The following SPOCK1 variants were observed in gnomAD, a reference collection of about 807,000 sequenced individuals.
The protein encoded by SPOCK1 is SPARC (osteonectin), cwcv and kazal like domains proteoglycan 1, also known as testican-1.
SPOCK1 carries 23 observed loss-of-function variants against 55.3 expected under a neutral mutation model. The observed-to-expected ratio is 0.42, with a 90% CI of 0.30 to 0.59. The LOEUF (loss-of-function observed/expected upper bound fraction) is 0.59, where lower values mean the gene tolerates loss of function less well. Ranked by LOEUF, SPOCK1 falls within the 20% of genes least tolerant of loss-of-function variation. The pLI, the probability that SPOCK1 is intolerant of heterozygous loss-of-function variation, is 0.22. For synonymous variants in SPOCK1, 226 were observed against 221.0 expected (o/e 1.02, Z -0.20); for missense variants, 499 against 552.5 (o/e 0.90, Z 0.97).
At chr5:137,246,043 T>C (rs1368354581) in intron 3 of SPOCK1, among the ~76,000 whole-genome samples, 2 of 152,236 alleles carry the variant, frequency 1.3e-5, no homozygotes, top group East Asian at 3.8e-4. Flanking sequence ...ATTTCTTAGT[T>C]GTCCTCTATG....
intron 2 of SPOCK1, among the ~76,000 whole-genome samples, chr5:137,303,907 C>A (rs754958066): frequency 6.6e-6 from 1 of 152,202 alleles, no homozygotes; most frequent in Non-Finnish European, 1.5e-5. Context: ...TCCCTGCTGT[C>A]CTTCTCCTTG....
At chr5:137,166,290 T>A (rs1020754524) in intron 3 of SPOCK1, among the ~76,000 whole-genome samples, 44 of 151,726 alleles carry the variant, frequency 2.9e-4, no homozygotes, top group Non-Finnish European at 4.4e-4. Context: ...AAGGAAAAAA[T>A]TTTTACCCTA....
intron 3 of SPOCK1, among the ~76,000 whole-genome samples, chr5:137,185,500 T>G (rs1755051507): frequency 6.6e-6 from 1 of 152,220 alleles, no homozygotes; most frequent in Admixed American, 6.5e-5. Flanking sequence ...ATTTCTCTTT[T>G]TAATTCAGGA....
intron 4 of SPOCK1, among the ~76,000 whole-genome samples, chr5:137,120,826 C>T (rs1478266401): frequency 6.6e-6 from 1 of 152,172 alleles, no homozygotes; most frequent in Admixed American, 6.5e-5. Flanking sequence ...CCGCCAGTCT[C>T]GCATTTCTAC....
intron 2 of SPOCK1, among the ~76,000 whole-genome samples, chr5:137,467,268 C>T (rs1753639976): frequency 1.3e-5 from 2 of 152,222 alleles, no homozygotes; most frequent in African/African-American, 4.8e-5. Flanking sequence ...TCACTAGGTC[C>T]AGCCCATACT....
intron 2 of SPOCK1, among the ~76,000 whole-genome samples, chr5:137,307,958 A>G (rs756662667): frequency 1.3e-4 from 20 of 152,252 alleles, no homozygotes; most frequent in South Asian, 4.1e-4. Context: ...AAAACAAGGT[A>G]AATGTCCAAA....
rs563549757 is a variant in SPOCK1 at position 136,978,440 on chromosome 5, C to T, written c.*214G>A. 1.8e-3 allele frequency: 629 copies of T among 341,060 alleles called. 1 individual carries two copies. The highest frequency in any genetic ancestry group is 8.1e-3 in the Middle Eastern group (13 of 1,596). The allele number at this position is 341,060 out of a possible 1,614,324, so 21.1% of individuals were successfully genotyped here. A position where few individuals can be genotyped will look rare whatever the true frequency, so the allele number is the denominator to read the frequency against. Reference sequence around the variant, plus strand: ...ACTTCCCTATCCAAAAAATAAACAACAACAAAAAAAAAACACAACACCCTT... The same window carrying T: ...ACTTCCCTATCCAAAAAATAAACAATAACAAAAAAAAAACACAACACCCTT... On this transcript the variant is annotated 3_prime_UTR_variant, in exon 11 of 11. Transcript: ENST00000394945.
At chr5:137,025,212 G>C (rs755426977) in intron 6 of SPOCK1, among the ~76,000 whole-genome samples, 2 of 152,124 alleles carry the variant, frequency 1.3e-5, no homozygotes, top group Non-Finnish European at 2.9e-5. Context: ...CAACGATAAT[G>C]TATTGAATAC....
At chr5:137,360,558 C>G (rs1750919571) in intron 2 of SPOCK1, among the ~76,000 whole-genome samples, 1 of 152,228 alleles carries the variant, frequency 6.6e-6, no homozygotes, top group Admixed American at 6.5e-5. Context: ...CCAGCATTTC[C>G]AAATGAGTCT....
At chr5:137,373,153 T>C (rs936453540) in intron 2 of SPOCK1, among the ~76,000 whole-genome samples, 1 of 152,210 alleles carries the variant, frequency 6.6e-6, no homozygotes, top group African/African-American at 2.4e-5. Context: ...TATGAGTTTC[T>C]ATTCATTGTA....
At chr5:137,185,669 G>T (rs933555996) in intron 3 of SPOCK1, among the ~76,000 whole-genome samples, 1 of 151,922 alleles carries the variant, frequency 6.6e-6, no homozygotes, top group Non-Finnish European at 1.5e-5. Flanking sequence ...ATGGTGGGAT[G>T]GGCATGAGAT....
At chr5:137,295,346 T>C (rs1757458239) in intron 2 of SPOCK1, among the ~76,000 whole-genome samples, 2 of 152,200 alleles carry the variant, frequency 1.3e-5, no homozygotes, top group African/African-American at 4.8e-5. Context: ...GAAAGCTCAC[T>C]TTATATCTAC....
At chr5:137,044,023 A>G (rs978683300) in intron 6 of SPOCK1, among the ~76,000 whole-genome samples, 5 of 152,212 alleles carry the variant, frequency 3.3e-5, no homozygotes, top group African/African-American at 1.2e-4. Context: ...TATTTCTATA[A>G]ATCTAAAAAT....
At chr5:137,338,380 G>A (rs1196965527) in intron 2 of SPOCK1, among the ~76,000 whole-genome samples, 1 of 151,974 alleles carries the variant, frequency 6.6e-6, no homozygotes, top group East Asian at 1.9e-4. Flanking sequence ...AGTATTCCAT[G>A]GTGTATATGT....
intron 2 of SPOCK1, among the ~76,000 whole-genome samples, chr5:137,290,435 T>C (rs1757352360): frequency 6.6e-6 from 1 of 152,184 alleles, no homozygotes; most frequent in African/African-American, 2.4e-5. Flanking sequence ...CAGTATCCTT[T>C]GGAAACAAGG....
At chr5:136,980,466 T>C (rs926230200) in intron 9 of SPOCK1, among the ~76,000 whole-genome samples, 1 of 152,134 alleles carries the variant, frequency 6.6e-6, no homozygotes, top group South Asian at 2.1e-4. Context: ...TTCCCACGTG[T>C]TGTGGGAGGG....
At chr5:137,451,698 C>A (rs1004715715) in intron 2 of SPOCK1, among the ~76,000 whole-genome samples, 1 of 152,190 alleles carries the variant, frequency 6.6e-6, no homozygotes, top group African/African-American at 2.4e-5. Flanking sequence ...TTTGGTCCTG[C>A]ACATACATTT....
At chr5:137,181,703 G>T (rs919814286) in intron 3 of SPOCK1, among the ~76,000 whole-genome samples, 11 of 152,068 alleles carry the variant, frequency 7.2e-5, no homozygotes, top group African/African-American at 2.7e-4. Flanking sequence ...CTGACAAACA[G>T]GCTTACTGCT....
intron 2 of SPOCK1, among the ~76,000 whole-genome samples, chr5:137,315,515 T>G (rs1045942401): frequency 6.6e-6 from 1 of 152,200 alleles, no homozygotes; most frequent in African/African-American, 2.4e-5. Flanking sequence ...GCACTTTACC[T>G]TCAATGCCTC....
Sources: allele counts gnomAD v4.1 joint callset (sites outside exome capture counted in the v4.1 genomes callset), GRCh38; gene constraint gnomAD v4.1.1; transcripts MANE v1.5; gene names NCBI Gene and HGNC (gene_info 2026-07-23, HGNC 2026-07-21).